DCP1A: variants seen among roughly 807,000 people sequenced by gnomAD.
DCP1A encodes mRNA-decapping enzyme 1A.
Under a neutral mutation model 58.0 loss-of-function variants are expected in DCP1A, and 20 were observed. That is an observed-to-expected ratio of 0.34 (90% CI 0.24 to 0.50). The LOEUF is 0.50. DCP1A is among the 20% of genes least tolerant of loss of function. DCP1A has a pLI of 0.98. For synonymous variants in DCP1A, 285 were observed against 275.1 expected (o/e 1.04, Z -0.36); for missense variants, 613 against 712.2 (o/e 0.86, Z 1.59).
chr3:53,308,747 C>T (rs971569485), intron 5 of DCP1A, among the ~76,000 whole-genome samples: 2 of 151,940 alleles, frequency 1.3e-5, no homozygotes, highest in African/African-American at 4.8e-5. Context: ...GTGTGTGCCA[C>T]CATGCCTAAC....
At chr3:53,300,523 G>A (rs1707280064) in intron 6 of DCP1A, among the ~76,000 whole-genome samples, 1 of 152,082 alleles carries the variant, frequency 6.6e-6, no homozygotes, top group African/African-American at 2.4e-5. Context: ...CTATTTAGTA[G>A]AGATGGGGTT....
intron 3 of DCP1A, among the ~76,000 whole-genome samples, chr3:53,333,801 T>A (rs2089061160): frequency 6.6e-6 from 1 of 152,206 alleles, no homozygotes; most frequent in Non-Finnish European, 1.5e-5. Context: ...ATTCCTTTCA[T>A]CATTATGTGG....
chr3:53,345,050 T>G (rs995509989), intron 1 of DCP1A, 108 bp from the exon 2 acceptor site: 2 of 879,116 alleles, frequency 2.3e-6, no homozygotes, highest in African/African-American at 3.4e-5. Flanking sequence ...TTTCATTTCA[T>G]CTATTATAAA....
chr3:53,319,288 G>T, intron 4 of DCP1A, 119 bp downstream of exon 4: 1 of 595,546 alleles, frequency 1.7e-6, no homozygotes, highest in Non-Finnish European at 2.9e-6. Flanking sequence ...GTTTTTGGCA[G>T]TAAAAAGAAA....
At chr3:53,332,373 T>C (rs2089021781) in intron 3 of DCP1A, among the ~76,000 whole-genome samples, 4 of 152,236 alleles carry the variant, frequency 2.6e-5, no homozygotes, top group Admixed American at 2.0e-4. Flanking sequence ...TAGGAAACTG[T>C]CTTTATCATC....
chr3:53,320,004 T>C (rs562050434), intron 3 of DCP1A, among the ~76,000 whole-genome samples: 172 of 152,012 alleles, frequency 1.1e-3, no homozygotes, highest in African/African-American at 4.1e-3. Context: ...GTGGCGTGCC[T>C]GTAATCCCAG....
chr3:53,331,974 A>T (rs1388532811), intron 3 of DCP1A, among the ~76,000 whole-genome samples: 1 of 152,208 alleles, frequency 6.6e-6, no homozygotes, highest in Non-Finnish European at 1.5e-5. Context: ...TAATTGCAAA[A>T]ACCACAATTA....
At position 53,347,449 on chromosome 3, in the gene DCP1A, G is replaced by C. The variant is rs782105544; in HGVS notation, c.69C>G (p.Ile23Met). Residue 23 changes from isoleucine to methionine, a missense_variant, in exon 1 of 10, where the codon ATC (isoleucine) becomes ATG (methionine). Physicochemically the swap from Ile to Met is conservative, Grantham distance 10. Transcript: ENST00000610213. ...GGCCCGTGAGGTCTGCGATGCTGGTGATATAGGGGTCGTGTTGCTTCAGGG... is the reference window on the plus strand; with the variant it reads ...GGCCCGTGAGGTCTGCGATGCTGGTCATATAGGGGTCGTGTTGCTTCAGGG... Reference protein sequence around the residue: ...LAALKQHDPYITSIADLTGQV... With the variant: ...LAALKQHDPYMTSIADLTGQV... 2 of 1,613,720 alleles carry C rather than the reference G, an allele frequency of 1.2e-6. No individual in the cohort carries two copies. Among genetic ancestry groups the C allele is most frequent in the Non-Finnish European group, 1.7e-6 (2 of 1,179,736 alleles).
intron 4 of DCP1A, among the ~76,000 whole-genome samples, chr3:53,318,206 G>A (rs782732732): frequency 1.3e-4 from 20 of 152,160 alleles, no homozygotes; most frequent in Non-Finnish European, 2.1e-4. Context: ...TTGAGAGGCT[G>A]AGATGGGAGG....
At chr3:53,343,344 G>C (rs1404366002) in intron 2 of DCP1A, among the ~76,000 whole-genome samples, 2 of 152,162 alleles carry the variant, frequency 1.3e-5, no homozygotes, top group Non-Finnish European at 2.9e-5. Flanking sequence ...ACGCAAAATA[G>C]TCTCACATTT....
intron 5 of DCP1A, among the ~76,000 whole-genome samples, chr3:53,308,405 A>G (rs991143408): frequency 6.6e-6 from 1 of 151,432 alleles, no homozygotes; most frequent in Non-Finnish European, 1.5e-5. Flanking sequence ...TGATCTTCCC[A>G]CCTCAGCCTC....
chr3:53,340,048 TG>T (rs2089179269), intron 3 of DCP1A, among the ~76,000 whole-genome samples: 1 of 152,132 alleles, frequency 6.6e-6, no homozygotes, highest in East Asian at 1.9e-4. Context: ...CTCAGCCTCC[TG>T]GGTAGCTGGG....
In DCP1A at chr3:53,287,232, C is replaced by G. The variant is rs140898371; in HGVS notation, c.*348G>C. The stretch of plus-strand genomic sequence containing the variant: ...TTCTGCTGTGAGGCTGGTGACTACT[C>G]CTCTGTAAGTCCTTGAAAGTGAAAG... On this transcript the variant is annotated 3_prime_UTR_variant, in exon 10 of 10. Transcript: ENST00000610213. 5.1e-6 allele frequency: 1 copy of G among 196,702 alleles called. No individual in the cohort carries two copies. Among genetic ancestry groups the G allele is most frequent in the Non-Finnish European group, 1.0e-5 (1 of 96,950 alleles). 12.2% of individuals were successfully genotyped at this position (196,702 alleles called of 1,614,324 possible).
At chr3:53,339,263 A>G (rs782456727) in intron 3 of DCP1A, among the ~76,000 whole-genome samples, 1 of 152,222 alleles carries the variant, frequency 6.6e-6, no homozygotes, top group Non-Finnish European at 1.5e-5. Context: ...TCCCCAATAC[A>G]GCTATTCCTT....
chr3:53,328,737 C>G (rs2106871000), intron 3 of DCP1A, among the ~76,000 whole-genome samples: 1 of 152,298 alleles, frequency 6.6e-6, no homozygotes, highest in South Asian at 2.1e-4. Flanking sequence ...ATTTTTAAAA[C>G]ATTTGAACTA....
At chr3:53,314,672 T>TTC (rs1553689024) in intron 4 of DCP1A, among the ~76,000 whole-genome samples, 2 of 136,564 alleles carry the variant, frequency 1.5e-5, no homozygotes, top group African/African-American at 5.4e-5. Context: ...TTTTTCTTTT[T>TTC]TTTTTTTTTT....
At chr3:53,342,654 C>T (rs1031760456) in intron 2 of DCP1A, among the ~76,000 whole-genome samples, 7 of 152,226 alleles carry the variant, frequency 4.6e-5, no homozygotes, top group African/African-American at 1.7e-4. Context: ...GCCCCAGAAG[C>T]TGCACAGCTA....
At chr3:53,300,043 T>C (rs993261864) in intron 6 of DCP1A, among the ~76,000 whole-genome samples, 6 of 152,016 alleles carry the variant, frequency 3.9e-5, no homozygotes, top group African/African-American at 1.4e-4. Flanking sequence ...ACTTTTTGTA[T>C]TTTTAGTAGA....
intron 1 of DCP1A, among the ~76,000 whole-genome samples, chr3:53,345,243 A>G (rs1403006834): frequency 6.6e-6 from 1 of 152,198 alleles, no homozygotes; most frequent in Admixed American, 6.5e-5. Flanking sequence ...TTCACTTTTT[A>G]TAGCTAAAAT....
Sources: allele counts gnomAD v4.1 joint callset (sites outside exome capture counted in the v4.1 genomes callset), GRCh38; gene constraint gnomAD v4.1.1; transcripts MANE v1.5; gene names NCBI Gene and HGNC (gene_info 2026-07-23, HGNC 2026-07-21).